DNAH11: variants seen among roughly 807,000 people sequenced by gnomAD.
The protein encoded by DNAH11 is axonemal beta dynein heavy chain 11.
In DNAH11, 442 loss-of-function variants were observed where a neutral mutation model predicts 526.0. The observed-to-expected ratio is 0.84, with a 90% CI of 0.78 to 0.91. The LOEUF is 0.91. Among genes scored for constraint, DNAH11 ranks in the 40% least tolerant of loss-of-function variants. The pLI, the probability that DNAH11 is intolerant of heterozygous loss-of-function variation, is 0.00. For missense variants in DNAH11, 6,989 were observed against 5,448.7 expected (o/e 1.28, Z -8.90); for synonymous variants, 2,461 against 1,935.9 (o/e 1.27, Z -7.12).
chr7:21,776,415 T>C (rs968401964), intron 56 of DNAH11, among the ~76,000 whole-genome samples: 18 of 152,210 alleles, frequency 1.2e-4, no homozygotes, highest in Non-Finnish European at 2.4e-4. Flanking sequence ...GAGAACCATA[T>C]TGCAGAAGAT....
intron 62 of DNAH11, among the ~76,000 whole-genome samples, chr7:21,806,739 A>G (rs10950876): frequency 0.19 from 29,588 of 152,112 alleles, 3,511 homozygotes; most frequent in Admixed American, 0.34. Context: ...CGTACATTGA[A>G]ACAAAATAAA....
At chr7:21,596,377 C>T (rs932139308) in intron 14 of DNAH11, among the ~76,000 whole-genome samples, 11 of 152,110 alleles carry the variant, frequency 7.2e-5, no homozygotes, top group South Asian at 6.2e-4. Context: ...GGTGTCCTGA[C>T]GTGTAAGGGA....
chr7:21,851,480 G>A, intron 66 of DNAH11: 1 of 461,988 alleles, frequency 2.2e-6, no homozygotes, highest in South Asian at 1.6e-5. Flanking sequence ...TTCCCTTGTG[G>A]GCAGGCTTTG....
intron 77 of DNAH11, among the ~76,000 whole-genome samples, chr7:21,893,058 C>T (rs1357805722): frequency 2.0e-5 from 3 of 152,114 alleles, no homozygotes; most frequent in Non-Finnish European, 4.4e-5. Context: ...ATATAAAATT[C>T]TTCATTGTAC....
chr7:21,785,251 A>G (rs939461227), intron 58 of DNAH11, among the ~76,000 whole-genome samples: 1 of 152,206 alleles, frequency 6.6e-6, no homozygotes, highest in Non-Finnish European at 1.5e-5. Context: ...CTTCATAGAA[A>G]TCCTGAATTC....
intron 30 of DNAH11, among the ~76,000 whole-genome samples, chr7:21,675,151 C>T (rs1166656414): frequency 1.3e-5 from 2 of 152,202 alleles, no homozygotes; most frequent in Admixed American, 1.3e-4. Context: ...ATCTCATTAT[C>T]ACCCCACTTT....
chr7:21,808,123 T>C, intron 63 of DNAH11, 74 bp downstream of exon 63: 1 of 1,238,790 alleles, frequency 8.1e-7, no homozygotes, highest in Non-Finnish European at 1.0e-6. Flanking sequence ...CCCACATATA[T>C]GCCAGGCGCT....
intron 81 of DNAH11, 115 bp downstream of exon 81, chr7:21,900,235 A>C: frequency 8.8e-7 from 1 of 1,131,742 alleles, no homozygotes; most frequent in Non-Finnish European, 1.2e-6. Flanking sequence ...ACCTTATGCT[A>C]GTCATTATCT....
At chr7:21,781,571 A>G (rs1432594530) in intron 57 of DNAH11, among the ~76,000 whole-genome samples, 6 of 152,144 alleles carry the variant, frequency 3.9e-5, no homozygotes, top group African/African-American at 1.4e-4. Context: ...TTCTAAATTG[A>G]AGCGCTAATA....
At chr7:21,810,568 T>C (rs1225292383) in intron 63 of DNAH11, among the ~76,000 whole-genome samples, 1 of 152,092 alleles carries the variant, frequency 6.6e-6, no homozygotes, top group Non-Finnish European at 1.5e-5. Context: ...CAAAAATACC[T>C]GTGAAGGGCA....
At chr7:21,835,040 A>G (rs999170024) in intron 65 of DNAH11, among the ~76,000 whole-genome samples, 1 of 152,178 alleles carries the variant, frequency 6.6e-6, no homozygotes, top group Non-Finnish European at 1.5e-5. Context: ...CTAGACATGT[A>G]TAACCTATCA....
intron 19 of DNAH11, 33 bp from the exon 20 acceptor site, chr7:21,606,614 A>AAT: frequency 6.2e-6 from 7 of 1,126,588 alleles, no homozygotes; most frequent in Non-Finnish European, 7.3e-6. Flanking sequence ...TTTGAAATTC[A>AAT]CTTTTTTTTT....
intron 30 of DNAH11, among the ~76,000 whole-genome samples, chr7:21,677,413 A>G (rs560589447): frequency 1.3e-5 from 2 of 151,872 alleles, no homozygotes; most frequent in South Asian, 4.2e-4. Flanking sequence ...ACAGAATCTC[A>G]CTCTGTCACC....
chr7:21,566,030 A>C (rs1476330766), intron 6 of DNAH11, among the ~76,000 whole-genome samples: 1 of 152,182 alleles, frequency 6.6e-6, no homozygotes, highest in Non-Finnish European at 1.5e-5. Context: ...TCCCTGTTGC[A>C]GGGCCAAAAA....
At chr7:21,572,012 T>G (rs1423458704) in intron 8 of DNAH11, 39 bp downstream of exon 8, 3 of 1,428,002 alleles carry the variant, frequency 2.1e-6, no homozygotes, top group African/African-American at 2.9e-5. Flanking sequence ...CATGGGATCC[T>G]ATAATTTTAT....
At chr7:21,580,582 A>C (rs1583499232) in intron 8 of DNAH11, among the ~76,000 whole-genome samples, 1 of 152,204 alleles carries the variant, frequency 6.6e-6, no homozygotes, top group East Asian at 1.9e-4. Flanking sequence ...GAAGTCCAAG[A>C]GCAAGGCTCC....
Position 21,631,806 on chromosome 7 carries a change from G to T in DNAH11, c.4501-4065G>T, listed in dbSNP as rs1287650795. On this transcript the variant is annotated intron_variant, in intron 25 of 81. Coordinates refer to ENST00000409508, the MANE Select transcript of DNAH11 (RefSeq NM_001277115.2). ...CTTTTCCAGGTGCACAGTACAAGCT[G>T]TCGGTGGATCTACCTTTCTGGGGTC... Among the ~76,000 whole-genome samples the T allele has an allele frequency of 2.6e-5, 4 of 152,208 alleles. No homozygotes were observed. In the East Asian group the frequency reaches 7.7e-4, roughly 29 times the overall value.
chr7:21,710,200 A>G (rs1177514956), intron 40 of DNAH11, among the ~76,000 whole-genome samples: 1 of 152,216 alleles, frequency 6.6e-6, no homozygotes. Context: ...GATACTGAAC[A>G]TATGTGTATG....
chr7:21,686,801 A>G lies in DNAH11; in HGVS notation c.5622-298A>G, dbSNP rs74908055. 0.048 allele frequency among the ~76,000 whole-genome samples: 7,294 copies of G among 152,264 alleles called. 531 individuals carry two copies. Among genetic ancestry groups the G allele is most frequent in the African/African-American group, 0.16 (6,650 of 41,532 alleles). The stretch of plus-strand genomic sequence containing the variant: ...ATATCTTTACCTAGAAATATCAGAA[A>G]TTTAATAGTGTTACAAATCAAGTGT... On this transcript the variant is annotated intron_variant, in intron 32 of 81. Coordinates refer to ENST00000409508, the MANE Select transcript of DNAH11 (RefSeq NM_001277115.2).
Sources: allele counts gnomAD v4.1 joint callset (sites outside exome capture counted in the v4.1 genomes callset), GRCh38; gene constraint gnomAD v4.1.1; transcripts MANE v1.5; gene names NCBI Gene and HGNC (gene_info 2026-07-23, HGNC 2026-07-21).